RAB37: variants seen among roughly 807,000 people sequenced by gnomAD.
The protein encoded by RAB37 is RAB37, member RAS oncogene family.
A neutral mutation model predicts 33.1 loss-of-function variants in RAB37; 29 were observed. That is an observed-to-expected ratio of 0.88 (90% CI 0.65 to 1.20). The LOEUF is 1.20. Among genes scored for constraint, RAB37 ranks in the 50% most tolerant of loss-of-function variants. The pLI, the probability that RAB37 is intolerant of heterozygous loss-of-function variation, is 0.00. For synonymous variants in RAB37, 128 were observed against 119.5 expected (o/e 1.07, Z -0.47); for missense variants, 299 against 301.1 (o/e 0.99, Z 0.05).
At chr17:74,726,559 G>T (rs1254500507) in intron 1 of RAB37, among the ~76,000 whole-genome samples, 2 of 152,210 alleles carry the variant, frequency 1.3e-5, no homozygotes, top group Non-Finnish European at 2.9e-5. Context: ...GAGGAAGTTA[G>T]ATTCTAGATG....
chr17:74,728,833 A>G (rs1876068510), intron 1 of RAB37, among the ~76,000 whole-genome samples: 2 of 145,454 alleles, frequency 1.4e-5, no homozygotes, highest in Non-Finnish European at 3.0e-5. Flanking sequence ...CTGTGTCTGT[A>G]TGTGTCTTGT....
intron 1 of RAB37, among the ~76,000 whole-genome samples, chr17:74,726,338 C>CCGGA (rs1005901198): frequency 6.6e-6 from 1 of 152,012 alleles, no homozygotes; most frequent in Non-Finnish European, 1.5e-5. Flanking sequence ...ATGTGCACCC[C>CCGGA]CGGACCTCAG....
rs915614275 is a variant in RAB37 at position 74,738,369 on chromosome 17, G to T, written c.93+1004G>T. Among the ~76,000 whole-genome samples the T allele has an allele frequency of 6.6e-6, 1 of 152,170 alleles. No individual in the cohort carries two copies. Among genetic ancestry groups the T allele is most frequent in the African/African-American group, 2.4e-5 (1 of 41,436 alleles). On this transcript the variant is annotated intron_variant, in intron 1 of 8. Coordinates refer to ENST00000392613, the MANE Select transcript of RAB37 (RefSeq NM_001006638.3). The surrounding 1 kb of genome is among the most constrained non-coding windows in gnomAD (Gnocchi z 5.0). ...TCCGCCCAGAGCCGTTGAGATAGGC[G>T]TCCTGTGTGGGCTTGTGGCAGGAAA...
chr17:74,702,991 G>C (rs749637055), intron 1 of RAB37: 1 of 1,470,016 alleles, frequency 6.8e-7, no homozygotes, highest in Admixed American at 1.7e-5. Flanking sequence ...TCCATTGGAG[G>C]AGTTTGGGCC....
At chr17:74,736,941 G>T, upstream of RAB37, 1 of 1,516,434 alleles carries the variant, frequency 6.6e-7, no homozygotes, top group Non-Finnish European at 8.8e-7. Context: ...TTCCGCAGCA[G>T]ACGGGGTCCC....
rs527491691 is a variant in RAB37 at position 74,730,189 on chromosome 17, C to T, written c.183+823C>T. 6.6e-6 allele frequency among the ~76,000 whole-genome samples: 1 copy of T among 152,278 alleles called. No individual in the cohort carries two copies. The highest frequency in any genetic ancestry group is 2.1e-4 in the South Asian group (1 of 4,828). ...TCGGGCTGTGGCAGGAAGAGCAGGG[C>T]CTTCCCTTGGGACTCCAGAATCCTA... On this transcript the variant is annotated intron_variant, in intron 2 of 7. Transcript: ENST00000340415. This position sits in a 1 kb window ranked among gnomAD's most constrained non-coding sequence, Gnocchi z 4.4.
rs866316672 is a variant in RAB37 at position 74,721,699 on chromosome 17, G to C, written c.73-7557G>C. Among the ~76,000 whole-genome samples the C allele has an allele frequency of 5.3e-5, 8 of 152,194 alleles. No homozygotes were observed. In the South Asian group the frequency reaches 1.5e-3, roughly 28 times the overall value. The stretch of plus-strand genomic sequence containing the variant: ...CCGCCTCGGCCTCCCAAAGTGCTGG[G>C]ATTACAGGCATGAGCCACCACGCCT... On this transcript the variant is annotated intron_variant, in intron 1 of 7. Coordinates refer to the RAB37 transcript ENST00000340415.
intron 1 of RAB37, among the ~76,000 whole-genome samples, chr17:74,713,899 CAAAAAAAAAAAAAAAA>C (rs55993385): frequency 5.7e-4 from 29 of 51,212 alleles, no homozygotes; most frequent in Middle Eastern, 0.021. Flanking sequence ...TTCATCTCCA[CAAAAAAAAAAAAAAAA>C]AAAAAAAAAA....
Position 74,742,277 on chromosome 17 carries a change from C to T in RAB37, c.228C>T (p.Gly76=), listed in dbSNP as rs777211914. The change falls in exon 3 of 9, where the codon GGC becomes GGT. Residue 76 remains glycine, a synonymous_variant. Transcript: ENST00000392613. The surrounding 1 kb of genome is among the most constrained non-coding windows in gnomAD (Gnocchi z 4.0). ...DFRNKVVTVD[G]VRVKLQIWDT... ...AGAACAAGGTGGTGACTGTGGATGGCGTGAGAGTGAAGCTGCAGGTGAGAC... is the reference window on the plus strand; with the variant it reads ...AGAACAAGGTGGTGACTGTGGATGGTGTGAGAGTGAAGCTGCAGGTGAGAC... 53 of 1,612,968 alleles carry T rather than the reference C, an allele frequency of 3.3e-5. No individual in the cohort carries two copies. The highest frequency in any genetic ancestry group is 4.1e-5 in the Non-Finnish European group (48 of 1,179,404).
In RAB37 at chr17:74,729,704, C is replaced by G. The variant is rs1423275456; in HGVS notation, c.183+338C>G. Among the ~76,000 whole-genome samples the G allele has an allele frequency of 1.3e-5, 2 of 152,092 alleles. No individual in the cohort carries two copies. The highest frequency in any genetic ancestry group is 2.9e-5 in the Non-Finnish European group (2 of 68,006). On this transcript the variant is annotated intron_variant, in intron 2 of 7. Coordinates refer to the RAB37 transcript ENST00000340415. This position sits in a 1 kb window ranked among gnomAD's most constrained non-coding sequence, Gnocchi z 4.2. The stretch of plus-strand genomic sequence containing the variant: ...GGACACAGCAGCCCATGGGAGCCCC[C>G]CAGGGAGGCAGCCAGGAGAACAATC...
At chr17:74,718,190 A>C (rs2034191108) in intron 1 of RAB37, among the ~76,000 whole-genome samples, 1 of 152,070 alleles carries the variant, frequency 6.6e-6, no homozygotes, top group African/African-American at 2.4e-5. Flanking sequence ...GCTACTTCGG[A>C]GGCTGAGGCA....
At chr17:74,713,872 G>A (rs1808581076) in intron 1 of RAB37, among the ~76,000 whole-genome samples, 1 of 124,472 alleles carries the variant, frequency 8.0e-6, no homozygotes. Context: ...AGACCAGCCT[G>A]GGCAACATGG....
Position 74,705,441 on chromosome 17 carries a change from A to G in RAB37, c.73-23815A>G, listed in dbSNP as rs1250769747. Reference sequence around the variant, plus strand: ...TGAATTGCTTTGACCCCTTTGTCAAATTGCAAATTTGTGGATTTCCCATTC... The same window carrying G: ...TGAATTGCTTTGACCCCTTTGTCAAGTTGCAAATTTGTGGATTTCCCATTC... On this transcript the variant is annotated intron_variant, in intron 1 of 7. Transcript: ENST00000340415. 6 of 507,646 alleles carry G rather than the reference A, an allele frequency of 1.2e-5. No individual in the cohort carries two copies. In the East Asian group the frequency reaches 1.7e-4, roughly 15 times the overall value. 31.4% of individuals were successfully genotyped at this position (507,646 alleles called of 1,614,324 possible). A position where few individuals can be genotyped will look rare whatever the true frequency, so the allele number is the denominator to read the frequency against.
upstream of RAB37, among the ~76,000 whole-genome samples, chr17:74,734,765 G>C (rs542820358): frequency 1.3e-5 from 2 of 151,914 alleles, no homozygotes; most frequent in Non-Finnish European, 2.9e-5. Context: ...AGAATGGCTT[G>C]AACAGCCCGG....
Position 74,744,986 on chromosome 17 carries a change from G to A in RAB37, c.490-22G>A, listed in dbSNP as rs1180688832. 3 of 1,614,246 alleles carry A rather than the reference G, an allele frequency of 1.9e-6. No homozygotes were observed. Among genetic ancestry groups the A allele is most frequent in the Admixed American group, 1.7e-5 (1 of 60,034 alleles). On this transcript the variant is annotated intron_variant, in intron 7 of 8. Transcript: ENST00000392613. This position sits in a 1 kb window ranked among gnomAD's most constrained non-coding sequence, Gnocchi z 4.2. Reference sequence around the variant, plus strand: ...GTGGGGGCAACCCGACGCTGGCCCTGAGGACACTCTCTCCCGGGCAGGAGT... The same window carrying A: ...GTGGGGGCAACCCGACGCTGGCCCTAAGGACACTCTCTCCCGGGCAGGAGT...
chr17:74,729,501 A>G lies in RAB37; in HGVS notation c.183+135A>G. ...AGGATTAAGGAGAAGACTGTTCCCCAAGGTGTAGGAGGGTGTTGGGTGACC... is the reference window on the plus strand; with the variant it reads ...AGGATTAAGGAGAAGACTGTTCCCCGAGGTGTAGGAGGGTGTTGGGTGACC... On this transcript the variant is annotated intron_variant, in intron 2 of 7. Coordinates refer to the RAB37 transcript ENST00000340415. The surrounding 1 kb of genome is among the most constrained non-coding windows in gnomAD (Gnocchi z 4.2). 1.4e-6 allele frequency: 1 copy of G among 715,406 alleles called. No homozygotes were observed. Among genetic ancestry groups the G allele is most frequent in the East Asian group, 2.6e-5 (1 of 38,730 alleles). 44.3% of individuals were successfully genotyped at this position (715,406 alleles called of 1,614,324 possible).
At chr17:74,677,715 T>C (rs2031865978) in intron 1 of RAB37, 1 of 152,240 alleles carries the variant, frequency 6.6e-6, no homozygotes, top group South Asian at 2.1e-4. Flanking sequence ...CTTTGGCTGA[T>C]AGGTCGGTCC....
intron 1 of RAB37, among the ~76,000 whole-genome samples, chr17:74,699,687 T>C (rs1329620275): frequency 6.6e-6 from 1 of 152,110 alleles, no homozygotes; most frequent in Admixed American, 6.6e-5. Context: ...TGATTTCCAA[T>C]TCCTGGCCTC....
intron 1 of RAB37, among the ~76,000 whole-genome samples, chr17:74,719,315 T>G (rs1290444882): frequency 1.3e-5 from 2 of 151,926 alleles, no homozygotes; most frequent in Admixed American, 6.6e-5. Context: ...CTGGGCACAG[T>G]GGCATGTGCC....
Sources: allele counts gnomAD v4.1 joint callset (sites outside exome capture counted in the v4.1 genomes callset), GRCh38; gene constraint gnomAD v4.1.1; non-coding constraint Gnocchi (gnomAD v3.1); transcripts MANE v1.5; gene names NCBI Gene and HGNC (gene_info 2026-07-23, HGNC 2026-07-21).